The following LIN52 variants were observed in gnomAD, a reference collection of about 807,000 sequenced individuals.
LIN52 encodes the protein lin-52 DREAM MuvB core complex component.
LIN52 carries 4 observed loss-of-function variants against 18.5 expected under a neutral mutation model. The ratio of observed to expected loss-of-function variants is 0.22; its 90% CI spans 0.11 to 0.49. LIN52 has a LOEUF of 0.49. Among genes scored for constraint, LIN52 ranks in the 20% least tolerant of loss-of-function variants. The probability of loss-of-function intolerance (pLI) is 0.97; values close to 1 mark genes in which losing one functional copy is unlikely to be tolerated. For missense variants in LIN52, 102 were observed against 139.5 expected (o/e 0.73, Z 1.35); for synonymous variants, 34 against 45.5 (o/e 0.75, Z 1.02).
At chr14:74,185,882 A>G (rs1370738273) in intron 5 of LIN52, among the ~76,000 whole-genome samples, 1 of 152,186 alleles carries the variant, frequency 6.6e-6, no homozygotes, top group East Asian at 1.9e-4. Context: ...GTTATTACAA[A>G]TAGTACTGAA....
Position 74,185,794 on chromosome 14 carries a change from C to G in LIN52, c.284-13128C>G, listed in dbSNP as rs556597586. Among the ~76,000 whole-genome samples the G allele has an allele frequency of 1.8e-4, 27 of 152,282 alleles. No homozygotes were observed. The South Asian group carries it at 5.6e-3, about 32-fold the overall frequency. On this transcript the variant is annotated intron_variant, in intron 5 of 5. Coordinates refer to ENST00000555028, the MANE Select transcript of LIN52 (RefSeq NM_001024674.3). ...TTTATTTTTGAGACAGGGTCTCACT[C>G]TATTGCTCAGGCTGGAGTGTAGTGA... is the stretch of plus-strand genomic sequence containing the variant.
chr14:74,152,139 T>C (rs2061179136), intron 5 of LIN52, among the ~76,000 whole-genome samples: 1 of 151,926 alleles, frequency 6.6e-6, no homozygotes, highest in Non-Finnish European at 1.5e-5. Flanking sequence ...GGTGCATGCC[T>C]GTAATCCCAG....
chr14:74,183,761 A>T (rs914273232), intron 5 of LIN52, among the ~76,000 whole-genome samples: 1 of 152,118 alleles, frequency 6.6e-6, no homozygotes, highest in Non-Finnish European at 1.5e-5. Context: ...TTTTAAGGCA[A>T]ATCCTAGATG....
At chr14:74,173,597 A>G (rs2061280290) in intron 5 of LIN52, among the ~76,000 whole-genome samples, 1 of 152,204 alleles carries the variant, frequency 6.6e-6, no homozygotes, top group Non-Finnish European at 1.5e-5. Context: ...GCATTCATCT[A>G]ATCTACTTAT....
At chr14:74,102,035 A>C (rs191357900) in intron 5 of LIN52, among the ~76,000 whole-genome samples, 11 of 152,260 alleles carry the variant, frequency 7.2e-5, no homozygotes, top group African/African-American at 2.4e-4. Flanking sequence ...TCAGCCTTCC[A>C]AAGTGCTGGG....
At chr14:74,101,650 C>T (rs984123397) in intron 5 of LIN52, among the ~76,000 whole-genome samples, 4 of 151,796 alleles carry the variant, frequency 2.6e-5, no homozygotes, top group Admixed American at 2.0e-4. Flanking sequence ...TTAGTAGAGA[C>T]GGGGTTTCAC....
chr14:74,191,061 AG>A (rs938776662), intron 5 of LIN52, among the ~76,000 whole-genome samples: 6 of 151,936 alleles, frequency 3.9e-5, no homozygotes, highest in African/African-American at 1.5e-4. Context: ...TCTGACACTG[AG>A]CTGGAGTGTG....
chr14:74,132,851 T>C (rs1020354220), intron 5 of LIN52, among the ~76,000 whole-genome samples: 6 of 152,164 alleles, frequency 3.9e-5, no homozygotes, highest in African/African-American at 1.4e-4. Context: ...GTTGAAACTC[T>C]TAGCATTTCC....
intron 5 of LIN52, among the ~76,000 whole-genome samples, chr14:74,117,605 G>A (rs1375642491): frequency 6.6e-6 from 1 of 152,094 alleles, no homozygotes; most frequent in Non-Finnish European, 1.5e-5. Context: ...GACTGTTTCT[G>A]CCCATGGGGA....
At chr14:74,136,828 G>A (rs1412533357) in intron 5 of LIN52, among the ~76,000 whole-genome samples, 2 of 152,048 alleles carry the variant, frequency 1.3e-5, no homozygotes, top group Admixed American at 6.6e-5. Flanking sequence ...GAGTGAGAAT[G>A]GAATCCAGTA....
rs745749963 is a variant in LIN52 at position 74,090,653 on chromosome 14, A to G, written c.20-579A>G. ...TCCGGCTGGGGTTTTTTTTTGAAAC[A>G]CAGAAATTCTGCAACCAGCTTGATT... On this transcript the variant is annotated intron_variant, in intron 1 of 5. Transcript: ENST00000555028. Among the ~76,000 whole-genome samples the G allele has an allele frequency of 2.6e-5, 4 of 152,120 alleles. No individual in the cohort carries two copies. The South Asian group carries it at 6.2e-4, about 24-fold the overall frequency.
chr14:74,147,870 A>C (rs758641259), intron 5 of LIN52, among the ~76,000 whole-genome samples: 1 of 152,168 alleles, frequency 6.6e-6, no homozygotes, highest in African/African-American at 2.4e-5. Flanking sequence ...AAGTTGAAAA[A>C]GTTCTGGAGA....
intron 5 of LIN52, among the ~76,000 whole-genome samples, chr14:74,126,126 C>T (rs950438661): frequency 4.0e-5 from 6 of 151,672 alleles, no homozygotes; most frequent in Admixed American, 2.6e-4. Flanking sequence ...TGCAAAGATA[C>T]TCAACATCAT....
intron 5 of LIN52, among the ~76,000 whole-genome samples, chr14:74,157,952 ATTCT>A (rs2061206753): frequency 1.3e-5 from 2 of 152,028 alleles, no homozygotes. Flanking sequence ...AATGTTCACA[ATTCT>A]TTCTTTCAAC....
rs532684510 is a variant in LIN52 at position 74,102,453 on chromosome 14, T to G, written c.283+1215T>G. Among the ~76,000 whole-genome samples the G allele has an allele frequency of 1.6e-4, 24 of 152,346 alleles. No homozygotes were observed. The South Asian group carries it at 5.0e-3, about 32-fold the overall frequency. On this transcript the variant is annotated intron_variant, in intron 5 of 5. Coordinates refer to ENST00000555028, the MANE Select transcript of LIN52 (RefSeq NM_001024674.3). ...TTGTTAGCTGCTCTGCTAAGTTCAC[T>G]CATTAGTACCTAACTCTTCTCTATA...
At chr14:74,135,819 GTT>G (rs11305985) in intron 5 of LIN52, among the ~76,000 whole-genome samples, 151 of 148,586 alleles carry the variant, frequency 1.0e-3, no homozygotes, top group Non-Finnish European at 1.3e-3. Context: ...AGAACAGGGA[GTT>G]TTTTTTTTTT....
intron 5 of LIN52, among the ~76,000 whole-genome samples, chr14:74,159,729 G>A (rs1019234307): frequency 2.0e-5 from 3 of 151,942 alleles, no homozygotes; most frequent in Admixed American, 6.6e-5. Flanking sequence ...GTGCCTCCAC[G>A]CCCAGTTAAT....
intron 5 of LIN52, among the ~76,000 whole-genome samples, chr14:74,120,960 T>G (rs928077491): frequency 1.3e-5 from 2 of 152,058 alleles, no homozygotes; most frequent in Admixed American, 6.6e-5. Context: ...ACCTGTAGTT[T>G]CAGCTACTCT....
intron 5 of LIN52, among the ~76,000 whole-genome samples, chr14:74,178,047 G>A (rs542901534): frequency 2.2e-4 from 33 of 152,246 alleles, no homozygotes; most frequent in Non-Finnish European, 4.3e-4. Context: ...CCAAAGCACG[G>A]GGATTAACAG....
Sources: gnomAD v4.1 joint callset for allele counts (sites outside exome capture counted in the v4.1 genomes callset) on GRCh38, gnomAD v4.1.1 for gene constraint, MANE v1.5 for transcripts, NCBI Gene and HGNC (gene_info 2026-07-23, HGNC 2026-07-21) for gene names.